The following ADGRL2 variants were observed in gnomAD, a reference collection of about 807,000 sequenced individuals.
The protein encoded by ADGRL2 is calcium-independent alpha-latrotoxin receptor 2.
A neutral mutation model predicts 157.4 loss-of-function variants in ADGRL2; 44 were observed. That is an observed-to-expected ratio of 0.28 (90% confidence interval 0.22 to 0.36). ADGRL2 has a LOEUF of 0.36. Among genes scored for constraint, ADGRL2 ranks in the 10% least tolerant of loss-of-function variants. The pLI, the probability that ADGRL2 is intolerant of heterozygous loss-of-function variation, is 1.00. For synonymous variants in ADGRL2, 585 were observed against 624.7 expected (o/e 0.94, Z 0.95); for missense variants, 1,510 against 1,768.9 (o/e 0.85, Z 2.63).
rs149459620 is a variant in ADGRL2 at position 81,772,830 on chromosome 1, A to G, written c.-101+10978A>G. Among the ~76,000 whole-genome samples the G allele has an allele frequency of 6.5e-3, 987 of 152,296 alleles. 12 individuals carry two copies. Among genetic ancestry groups the G allele is most frequent in the African/African-American group, 0.023 (955 of 41,556 alleles). On this transcript the variant is annotated intron_variant, in intron 2 of 20. Coordinates refer to the ADGRL2 transcript ENST00000359929. The stretch of plus-strand genomic sequence containing the variant: ...TAAAACATATGTTTATAGCTATTAC[A>G]TAGCTATAAACTTTAATATTTTTGT...
At chr1:81,404,360 T>C (rs1557663651) in intron 1 of ADGRL2, among the ~76,000 whole-genome samples, 1 of 152,212 alleles carries the variant, frequency 6.6e-6, no homozygotes. Context: ...AGTAAGCCTT[T>C]GTATAGCGTT....
At chr1:81,752,252 T>C (rs140553681) in intron 1 of ADGRL2, among the ~76,000 whole-genome samples, 18 of 152,324 alleles carry the variant, frequency 1.2e-4, no homozygotes, top group African/African-American at 4.1e-4. Context: ...AGACATTGAA[T>C]GTGCAGGCAA....
At chr1:81,926,165 A>G (rs1162497422) in intron 3 of ADGRL2, among the ~76,000 whole-genome samples, 1 of 152,034 alleles carries the variant, frequency 6.6e-6, no homozygotes, top group East Asian at 1.9e-4. Flanking sequence ...TTACAAACGG[A>G]AAGGATTTGG....
intron 3 of ADGRL2, among the ~76,000 whole-genome samples, chr1:81,681,604 C>T (rs559728): frequency 0.36 from 54,139 of 152,040 alleles, 9,787 homozygotes; most frequent in Admixed American, 0.42. Context: ...TTACACAGAG[C>T]TTTCCAAAAG....
At chr1:81,695,172 G>A (rs111595350), upstream of ADGRL2, among the ~76,000 whole-genome samples, 696 of 151,998 alleles carry the variant, frequency 4.6e-3, 9 homozygotes, top group African/African-American at 0.016. Context: ...GTGGGGACTC[G>A]ACAGTCTCTT....
intron 1 of ADGRL2, among the ~76,000 whole-genome samples, chr1:81,350,835 G>T (rs778271796): frequency 1.2e-4 from 18 of 152,050 alleles, no homozygotes; most frequent in African/African-American, 2.4e-5. Context: ...TGACATTATC[G>T]CAATAGCATG....
Position 81,985,323 on chromosome 1 carries a change from G to A in ADGRL2, c.3476G>A (p.Gly1159Asp). 3.7e-6 allele frequency: 6 copies of A among 1,606,398 alleles called. No homozygotes were observed. Among genetic ancestry groups the A allele is most frequent in the Non-Finnish European group, 5.1e-6 (6 of 1,174,884 alleles). ...RKQSESSFIS[G>D]DINSTSTLNQ... ...CAATCAGAATCTTCTTTTATCTCAGGTGACATCAATAGCACTTCAACACTT... is the reference window on the plus strand; with the variant it reads ...CAATCAGAATCTTCTTTTATCTCAGATGACATCAATAGCACTTCAACACTT... The change falls in exon 21 of 24, where the codon GGT (glycine) becomes GAT (aspartate). Residue 1159 changes from glycine to aspartate, a missense_variant. Gly to Asp is a moderately conservative substitution (Grantham distance 94). This residue lies in a region of ADGRL2 where 497 missense variants were observed against 627.2 expected (regional missense o/e 0.79). Transcript: ENST00000686636.
At chr1:81,984,376 A>G (rs1487250172) in intron 19 of ADGRL2, 3 of 441,216 alleles carry the variant, frequency 6.8e-6, no homozygotes, top group Non-Finnish European at 1.2e-5. Context: ...AGACTCTACT[A>G]GCCAGTCTAG....
chr1:81,945,868 T>TTCTC (rs3838455), intron 6 of ADGRL2, among the ~76,000 whole-genome samples: 3 of 150,350 alleles, frequency 2.0e-5, no homozygotes, highest in African/African-American at 2.4e-5. Flanking sequence ...CCCATATTCA[T>TTCTC]TCTCTCTCTC....
chr1:81,494,023 C>G (rs920264772), intron 2 of ADGRL2, among the ~76,000 whole-genome samples: 1 of 152,122 alleles, frequency 6.6e-6, no homozygotes, highest in African/African-American at 2.4e-5. Context: ...GCTCACTTCA[C>G]TTTGAAATCA....
chr1:81,343,924 C>T (rs1181530847), intron 1 of ADGRL2, among the ~76,000 whole-genome samples: 1 of 152,124 alleles, frequency 6.6e-6, no homozygotes, highest in Non-Finnish European at 1.5e-5. Context: ...TGAGGAGACA[C>T]AAGCATTCAG....
At chr1:81,888,577 T>C (rs906194273) in intron 2 of ADGRL2, among the ~76,000 whole-genome samples, 3 of 142,458 alleles carry the variant, frequency 2.1e-5, no homozygotes, top group Non-Finnish European at 4.6e-5. Context: ...TAGCTAGGAC[T>C]ACAGGCGCCC....
At chr1:81,546,994 T>C (rs1308620573) in intron 2 of ADGRL2, among the ~76,000 whole-genome samples, 1 of 152,174 alleles carries the variant, frequency 6.6e-6, no homozygotes, top group Non-Finnish European at 1.5e-5. Context: ...CCAATAGCCA[T>C]CTCCCCTTGT....
intron 2 of ADGRL2, among the ~76,000 whole-genome samples, chr1:81,848,237 A>G (rs553945013): frequency 1.3e-5 from 2 of 152,004 alleles, no homozygotes; most frequent in African/African-American, 2.4e-5. Flanking sequence ...TAAACCACTC[A>G]AAAGTAAGTT....
intron 1 of ADGRL2, among the ~76,000 whole-genome samples, chr1:81,312,718 G>T (rs1052485511): frequency 6.6e-6 from 1 of 152,116 alleles, no homozygotes; most frequent in African/African-American, 2.4e-5. Context: ...CTGGCTTCTG[G>T]GGTGTTATCG....
intron 2 of ADGRL2, among the ~76,000 whole-genome samples, chr1:81,793,770 T>C (rs1346944887): frequency 1.3e-5 from 2 of 152,128 alleles, no homozygotes; most frequent in African/African-American, 4.8e-5. Context: ...GATTTATACA[T>C]ATATCAAGTT....
intron 2 of ADGRL2, among the ~76,000 whole-genome samples, chr1:81,526,894 T>C (rs2079471388): frequency 6.6e-6 from 1 of 152,224 alleles, no homozygotes; most frequent in Admixed American, 6.5e-5. Context: ...CACCTCCTTA[T>C]ACTGCTATGA....
intron 1 of ADGRL2, among the ~76,000 whole-genome samples, chr1:81,383,746 CA>C (rs2076383564): frequency 7.4e-6 from 1 of 135,288 alleles, no homozygotes; most frequent in African/African-American, 2.7e-5. Flanking sequence ...GGGCAGATCA[CA>C]AGGTCAGGAG....
At chr1:81,670,858 C>T (rs185531413) in intron 3 of ADGRL2, among the ~76,000 whole-genome samples, 96 of 152,248 alleles carry the variant, frequency 6.3e-4, no homozygotes, top group African/African-American at 2.1e-3. Context: ...TACAGGTACA[C>T]GCCACCATGT....
Sources: allele counts gnomAD v4.1 joint callset (sites outside exome capture counted in the v4.1 genomes callset), GRCh38; gene constraint gnomAD v4.1.1; regional missense constraint gnomAD v4.1.1; transcripts MANE v1.5; gene names NCBI Gene and HGNC (gene_info 2026-07-23, HGNC 2026-07-21).